CD44: variants seen among roughly 807,000 people sequenced by gnomAD.
The protein encoded by CD44 is CD44 antigen.
Under a neutral mutation model 88.8 loss-of-function variants are expected in CD44, and 49 were observed. The ratio of observed to expected loss-of-function variants is 0.55; its 90% CI spans 0.44 to 0.70. The LOEUF is 0.70. Ranked by LOEUF, CD44 falls within the 30% of genes least tolerant of loss-of-function variation. The pLI, the probability that CD44 is intolerant of heterozygous loss-of-function variation, is 0.00. For synonymous variants in CD44, 325 were observed against 312.3 expected (o/e 1.04, Z -0.43); for missense variants, 883 against 913.8 (o/e 0.97, Z 0.43).
intron 5 of CD44, among the ~76,000 whole-genome samples, chr11:35,192,888 C>T (rs575914476): frequency 4.6e-5 from 7 of 151,040 alleles, no homozygotes; most frequent in Admixed American, 2.0e-4. Flanking sequence ...CATTTTTCCC[C>T]CTCATACCAC....
chr11:35,192,491 G>T (rs1335002507), intron 5 of CD44, among the ~76,000 whole-genome samples: 1 of 152,218 alleles, frequency 6.6e-6, no homozygotes, highest in Non-Finnish European at 1.5e-5. Context: ...CTCATGCATT[G>T]CAGGAGGGCA....
At chr11:35,174,522 G>C (rs77037231) in intron 1 of CD44, among the ~76,000 whole-genome samples, 3 of 152,136 alleles carry the variant, frequency 2.0e-5, no homozygotes, top group Admixed American at 2.0e-4. Flanking sequence ...AGTGTAAACC[G>C]GGGGTCATAT....
intron 17 of CD44, chr11:35,222,249 A>T: frequency 2.4e-6 from 1 of 414,960 alleles, no homozygotes; most frequent in Non-Finnish European, 4.8e-6. Context: ...ACCTTTAAGA[A>T]CTTTTACCAG....
At position 35,229,023 on chromosome 11, in the gene CD44, C is replaced by T. The variant is rs991027767; in HGVS notation, c.2025-106C>T. On this transcript the variant is annotated intron_variant, in intron 17 of 17. Coordinates refer to ENST00000428726, the MANE Select transcript of CD44 (RefSeq NM_000610.4). ...CACAGTGCTTGGCACACACTAAAGC[C>T]ATCATAAACCATAGTGATCATCAAT... 4.2e-6 allele frequency: 4 copies of T among 945,314 alleles called. No homozygotes were observed. In the African/African-American group the frequency reaches 6.6e-5, roughly 16 times the overall value. 58.6% of individuals were successfully genotyped at this position (945,314 alleles called of 1,614,324 possible).
intron 11 of CD44, 81 bp downstream of exon 11, chr11:35,206,324 C>T (rs1372229681): frequency 4.2e-6 from 6 of 1,427,492 alleles, no homozygotes; most frequent in Non-Finnish European, 5.6e-6. Flanking sequence ...AGAAATATGC[C>T]CTTGGTTTTA....
chr11:35,222,322 T>G, intron 17 of CD44: 1 of 876,776 alleles, frequency 1.1e-6, no homozygotes, highest in African/African-American at 1.7e-5. Context: ...TGTGCTTTTG[T>G]TTGTTGTTTG....
intron 1 of CD44, among the ~76,000 whole-genome samples, chr11:35,153,390 C>T (rs1941438232): frequency 6.6e-6 from 1 of 152,174 alleles, no homozygotes; most frequent in African/African-American, 2.4e-5. Flanking sequence ...CACAGTCTTG[C>T]ACACCCATAT....
At chr11:35,142,184 T>C (rs975072236) in intron 1 of CD44, among the ~76,000 whole-genome samples, 5 of 151,834 alleles carry the variant, frequency 3.3e-5, no homozygotes, top group Non-Finnish European at 7.4e-5. Flanking sequence ...GGGGATCTTT[T>C]TTTTTAATTA....
At position 35,201,703 on chromosome 11, in the gene CD44, GGAAACTGGAACCCAGAA is replaced by G; in HGVS notation, c.1071_1087del (p.Asn358ThrfsTer8). 6.2e-7 allele frequency: 1 copy of G among 1,613,796 alleles called. No individual in the cohort carries two copies. The highest frequency in any genetic ancestry group is 8.5e-7 in the Non-Finnish European group (1 of 1,179,756). ...CAGAAATGGCACCACTGCTTATGAAGGAAACTGGAACCCAGAAGCACACCCTCCCCTCATTCACCATG... is the reference window on the plus strand; with the variant it reads ...CAGAAATGGCACCACTGCTTATGAAGGCACACCCTCCCCTCATTCACCATG... On this transcript the variant is annotated frameshift_variant, in exon 9 of 18. Transcript: ENST00000428726. LOFTEE classifies it high-confidence loss of function.
intron 12 of CD44, among the ~76,000 whole-genome samples, chr11:35,208,709 G>GAAC (rs1039033787): frequency 2.0e-5 from 3 of 152,006 alleles, no homozygotes; most frequent in Admixed American, 6.6e-5. Flanking sequence ...GGGATCCCTG[G>GAAC]AACAACAACA....
chr11:35,213,069 C>T (rs1221417860), intron 14 of CD44, among the ~76,000 whole-genome samples: 1 of 151,738 alleles, frequency 6.6e-6, no homozygotes, highest in Non-Finnish European at 1.5e-5. Context: ...AGTGATCCAC[C>T]AGCCTCAGCC....
At chr11:35,198,556 T>A in intron 7 of CD44, 1 of 264,914 alleles carries the variant, frequency 3.8e-6, no homozygotes, top group East Asian at 7.2e-5. Flanking sequence ...GTACAAAAAA[T>A]GTACATTGTG....
intron 1 of CD44, among the ~76,000 whole-genome samples, chr11:35,149,807 C>T (rs1859959588): frequency 6.6e-6 from 1 of 152,214 alleles, no homozygotes; most frequent in Non-Finnish European, 1.5e-5. Context: ...TATTAAATGT[C>T]AAAAGTGAAT....
At chr11:35,142,532 C>T (rs771012857) in intron 1 of CD44, among the ~76,000 whole-genome samples, 3 of 152,162 alleles carry the variant, frequency 2.0e-5, no homozygotes, top group African/African-American at 4.8e-5. Context: ...GCTCCCTTCT[C>T]TCTAATTGAG....
rs139409244 is a variant in CD44, at chr11:35,149,445, T to G, written c.67+10075T>G. Among the ~76,000 whole-genome samples the G allele has an allele frequency of 5.3e-5, 8 of 152,368 alleles. No homozygotes were observed. In the East Asian group the frequency reaches 1.5e-3, roughly 29 times the overall value. ...TAACAGCAGCGTGAGCTTGGGCAGT[T>G]GCACTTGTTAAATGTCTGGAACAAT... is the stretch of plus-strand genomic sequence containing the variant. On this transcript the variant is annotated intron_variant, in intron 1 of 17. Transcript: ENST00000428726.
In CD44 at chr11:35,139,382, C is replaced by A; in HGVS notation, c.67+12C>A. ...CCTGGCGCAGATCGGTGAGTGCCCGCCGCAGCCTGGGCAGCAAGATGGGTG... is the reference window on the plus strand; with the variant it reads ...CCTGGCGCAGATCGGTGAGTGCCCGACGCAGCCTGGGCAGCAAGATGGGTG... On this transcript the variant is annotated intron_variant, in intron 1 of 17. Transcript: ENST00000428726. The A allele has an allele frequency of 1.3e-6, 2 of 1,555,348 alleles. No homozygotes were observed. The highest frequency in any genetic ancestry group is 2.4e-5 in the East Asian group (1 of 41,622).
intron 17 of CD44, among the ~76,000 whole-genome samples, chr11:35,225,128 C>CACTTGAACTA: frequency 8.1e-6 from 1 of 122,886 alleles, no homozygotes. Context: ...GCTAGTTCAA[C>CACTTGAACTA]TGAGGAAGTG....
chr11:35,201,154 C>T lies in CD44; in HGVS notation c.995C>T (p.Ser332Leu), dbSNP rs1947277827. Residue 332 changes from serine (S) to leucine (L), a missense_variant, in exon 8 of 18, where the codon TCA becomes TTA. Physicochemically the swap from Ser to Leu is moderately radical, Grantham distance 145 (BLOSUM62 -2). Coordinates refer to ENST00000428726, the MANE Select transcript of CD44 (RefSeq NM_000610.4). ...QDWTQWNPSH[S>L]NPEVLLQTTT... is the part of the protein sequence containing the mutation. ...TGGACCCAGTGGAACCCAAGCCATT[C>T]AAATCCGGAAGTGCTACTTCAGACA... is the stretch of plus-strand genomic sequence containing the variant. 1 of 1,613,910 alleles carries T rather than the reference C, an allele frequency of 6.2e-7. No individual in the cohort carries two copies. Among genetic ancestry groups the T allele is most frequent in the African/African-American group, 1.3e-5 (1 of 74,920 alleles).
chr11:35,184,314 G>A (rs114377346), intron 3 of CD44, among the ~76,000 whole-genome samples: 1 of 152,128 alleles, frequency 6.6e-6, no homozygotes, highest in South Asian at 2.1e-4. Context: ...ACTGTCTTAG[G>A]GTTTGTGACA....
Sources: allele counts gnomAD v4.1 joint callset (sites outside exome capture counted in the v4.1 genomes callset), GRCh38; gene constraint gnomAD v4.1.1; transcripts MANE v1.5; gene names NCBI Gene and HGNC (gene_info 2026-07-23, HGNC 2026-07-21).